TENM3: variants seen among roughly 807,000 people sequenced by gnomAD.
The protein encoded by TENM3 is teneurin-3.
A neutral mutation model predicts 255.1 loss-of-function variants in TENM3; 63 were observed. That is an observed-to-expected ratio of 0.25 (90% CI 0.20 to 0.30). TENM3 has a LOEUF of 0.30. TENM3 is among the 10% of genes least tolerant of loss of function. The pLI, the probability that TENM3 is intolerant of heterozygous loss-of-function variation, is 1.00. For missense variants in TENM3, 2,929 were observed against 3,461.1 expected, an observed-to-expected ratio of 0.85 and a Z score of 3.86; for synonymous variants, 1,306 against 1,322.3, an observed-to-expected ratio of 0.99 and a Z score of 0.27.
the TENM3 span, among the ~76,000 whole-genome samples, chr4:182,031,921 A>G: frequency 2.6e-5 from 4 of 152,098 alleles, no homozygotes; most frequent in Admixed American, 2.6e-4. Flanking sequence ...AGACTTTGCT[A>G]AAGTTGCTTA....
chr4:182,059,811 T>TA, the TENM3 span, among the ~76,000 whole-genome samples: 21 of 150,054 alleles, frequency 1.4e-4, no homozygotes, highest in Non-Finnish European at 2.7e-4. Flanking sequence ...TGCACACCTG[T>TA]AGTCCCAGCT....
chr4:182,172,186 A>G (rs927636738), intron 1 of TENM3, among the ~76,000 whole-genome samples: 4 of 152,108 alleles, frequency 2.6e-5, no homozygotes, highest in African/African-American at 9.7e-5. Flanking sequence ...ATAAATTTGA[A>G]TTTGTATTTA....
intron 3 of TENM3, among the ~76,000 whole-genome samples, chr4:182,593,841 CA>C (rs1746912713): frequency 6.6e-6 from 1 of 152,160 alleles, no homozygotes; most frequent in East Asian, 1.9e-4. Context: ...TTTTCTTCCC[CA>C]GTTTTCCTGT....
At chr4:182,656,911 T>G (rs1347971024) in intron 6 of TENM3, among the ~76,000 whole-genome samples, 1 of 152,202 alleles carries the variant, frequency 6.6e-6, no homozygotes, top group African/African-American at 2.4e-5. Context: ...TCCTGAGACC[T>G]TCTTTGCCTA....
chr4:181,506,264 T>C, the TENM3 span, among the ~76,000 whole-genome samples: 1 of 152,134 alleles, frequency 6.6e-6, no homozygotes, highest in Non-Finnish European at 1.5e-5. Flanking sequence ...GATATAACAC[T>C]ATTTTGATTT....
chr4:181,459,930 C>T, the TENM3 span, among the ~76,000 whole-genome samples: 2 of 151,878 alleles, frequency 1.3e-5, no homozygotes, highest in African/African-American at 4.8e-5. Context: ...ATTGAGTCTC[C>T]TGATCATGGT....
Position 182,777,555 on chromosome 4 carries a change from T to C in TENM3, c.5304+2402T>C, listed in dbSNP as rs796074101. Reference sequence around the variant, plus strand: ...TGTGTGTGTGTGTATTTCTTTTTTTTTTTTTTTTTTTTTTTTTTTTGAGAT... The same window carrying C: ...TGTGTGTGTGTGTATTTCTTTTTTTCTTTTTTTTTTTTTTTTTTTTGAGAT... On this transcript the variant is annotated intron_variant, in intron 24 of 27. Coordinates refer to ENST00000511685, the MANE Select transcript of TENM3 (RefSeq NM_001080477.4). 1.0e-2 allele frequency among the ~76,000 whole-genome samples: 1,038 copies of C among 103,808 alleles called. 15 individuals are homozygous for C. The highest frequency in any genetic ancestry group is 0.014 in the Non-Finnish European group (722 of 52,840). The allele number at this position is 103,808 out of a possible 152,430, so 68.1% of individuals were successfully genotyped here. A position where few individuals can be genotyped will look rare whatever the true frequency, so the allele number is the denominator to read the frequency against.
At chr4:181,583,641 T>C in the TENM3 span, among the ~76,000 whole-genome samples, 2 of 152,196 alleles carry the variant, frequency 1.3e-5, no homozygotes, top group South Asian at 4.1e-4. Context: ...TTTTTGAGGT[T>C]GGTGAAATTA....
chr4:182,026,929 G>C, the TENM3 span, among the ~76,000 whole-genome samples: 1 of 152,198 alleles, frequency 6.6e-6, no homozygotes, highest in Admixed American at 6.5e-5. Flanking sequence ...GCTTAGGATA[G>C]CTTTTGCTCT....
At chr4:182,461,603 A>G (rs1392297724) in intron 3 of TENM3, among the ~76,000 whole-genome samples, 1 of 152,208 alleles carries the variant, frequency 6.6e-6, no homozygotes, top group East Asian at 1.9e-4. Context: ...GATGAATTAT[A>G]AAAGCAAGGT....
At chr4:182,003,501 T>G in the TENM3 span, among the ~76,000 whole-genome samples, 13 of 152,248 alleles carry the variant, frequency 8.5e-5, no homozygotes, top group Middle Eastern at 3.4e-3. Context: ...TATAAGAATA[T>G]ATTTAAAACT....
the TENM3 span, among the ~76,000 whole-genome samples, chr4:181,767,090 A>C: frequency 1.6e-5 from 2 of 128,130 alleles, no homozygotes; most frequent in African/African-American, 3.0e-5. Context: ...GTCTCTACTA[A>C]AAATACAAAA....
chr4:181,680,540 GTTTC>G, the TENM3 span, among the ~76,000 whole-genome samples: 1 of 152,000 alleles, frequency 6.6e-6, no homozygotes, highest in African/African-American at 2.4e-5. Context: ...GTTTTTGTGT[GTTTC>G]TTTATCTTGC....
chr4:182,076,851 A>G, the TENM3 span, among the ~76,000 whole-genome samples: 11 of 152,194 alleles, frequency 7.2e-5, no homozygotes, highest in Non-Finnish European at 1.5e-4. Flanking sequence ...CCATGTTCCC[A>G]TACAGCGCTT....
chr4:181,859,377 A>C, the TENM3 span, among the ~76,000 whole-genome samples: 1 of 151,666 alleles, frequency 6.6e-6, no homozygotes, highest in African/African-American at 2.4e-5. Context: ...TAGAAAAATT[A>C]TTCACCCTTT....
the TENM3 span, among the ~76,000 whole-genome samples, chr4:181,689,295 A>G: frequency 6.6e-6 from 1 of 152,192 alleles, no homozygotes; most frequent in Non-Finnish European, 1.5e-5. Context: ...TTAAAATCCA[A>G]TTTCTGACAG....
At chr4:181,513,555 A>C in the TENM3 span, among the ~76,000 whole-genome samples, 1 of 152,244 alleles carries the variant, frequency 6.6e-6, no homozygotes, top group Admixed American at 6.5e-5. Context: ...GGAAGGAAAT[A>C]GTCCCAACAA....
At chr4:181,724,640 GT>G in the TENM3 span, among the ~76,000 whole-genome samples, 1 of 152,062 alleles carries the variant, frequency 6.6e-6, no homozygotes, top group Non-Finnish European at 1.5e-5. Context: ...GATTTTGTTT[GT>G]TAGTTTTGAT....
chr4:182,008,036 T>C, the TENM3 span, among the ~76,000 whole-genome samples: 1 of 152,244 alleles, frequency 6.6e-6, no homozygotes, highest in South Asian at 2.1e-4. Flanking sequence ...TCTTTAAGAA[T>C]GTTGAATATT....
Sources: allele counts gnomAD v4.1 joint callset (sites outside exome capture counted in the v4.1 genomes callset), GRCh38; gene constraint gnomAD v4.1.1; transcripts MANE v1.5; gene names NCBI Gene and HGNC (gene_info 2026-07-23, HGNC 2026-07-21).